The following MN1 variants were observed in gnomAD, a reference collection of about 807,000 sequenced individuals.
MN1 encodes transcriptional activator MN1.
MN1 carries 19 observed loss-of-function variants against 86.9 expected under a neutral mutation model. The ratio of observed to expected loss-of-function variants is 0.22; its 90% CI spans 0.15 to 0.32. The LOEUF is 0.32. Ranked by LOEUF, MN1 falls within the 10% of genes least tolerant of loss-of-function variation. The pLI is 1.00. For missense variants in MN1, 1,841 were observed against 1,862.0 expected (o/e 0.99, Z 0.21); for synonymous variants, 928 against 849.6 (o/e 1.09, Z -1.60).
At chr22:27,788,733 A>G (rs1036340861) in intron 1 of MN1, among the ~76,000 whole-genome samples, 1 of 151,812 alleles carries the variant, frequency 6.6e-6, no homozygotes, top group Non-Finnish European at 1.5e-5. Flanking sequence ...GCATGTGCGC[A>G]TGCGTGGAGG....
intron 1 of MN1, among the ~76,000 whole-genome samples, chr22:27,762,062 C>G (rs1568972104): frequency 6.6e-6 from 1 of 152,150 alleles, no homozygotes; most frequent in Non-Finnish European, 1.5e-5. Context: ...CTCCTCGCAC[C>G]AGGCCTGGGC....
At position 27,796,927 on chromosome 22, in the gene MN1, G is replaced by A. The variant is rs772969426; in HGVS notation, c.3617C>T (p.Ala1206Val). 22 of 1,612,506 alleles carry A rather than the reference G, an allele frequency of 1.4e-5. 1 individual carries two copies. The South Asian group carries it at 2.1e-4, about 15-fold the overall frequency. Reference protein sequence around the residue: ...DSELGSCCSEAVKSAMSTIDL... With the variant: ...DSELGSCCSEVVKSAMSTIDL... ...AATGGTGCTCATGGCGCTCTTGACC[G>A]CCTCGGAGCAGCAGCTGCCCAGCTC... The change falls in exon 1 of 2, where the codon GCG (alanine) becomes GTG (valine). Residue 1206 changes from alanine to valine, a missense_variant. Ala to Val is a moderately conservative substitution (Grantham distance 64). Transcript: ENST00000302326.
chr22:27,756,207 G>A (rs1932801302), intron 1 of MN1, among the ~76,000 whole-genome samples: 1 of 152,194 alleles, frequency 6.6e-6, no homozygotes, highest in Non-Finnish European at 1.5e-5. Context: ...GTTTACCTGG[G>A]GATGTTGCAT....
intron 1 of MN1, among the ~76,000 whole-genome samples, chr22:27,789,243 T>C (rs908489058): frequency 6.6e-6 from 1 of 152,152 alleles, no homozygotes. Flanking sequence ...AGTCCCCAAC[T>C]TTCCAAAGAT....
chr22:27,797,523 C>T lies in MN1; in HGVS notation c.3021G>A (p.Ser1007=). Residue 1007 remains serine, a synonymous_variant, in exon 1 of 2, where the codon TCG becomes TCA. Coordinates refer to ENST00000302326, the MANE Select transcript of MN1 (RefSeq NM_002430.3). ...ACTCAGCCCCCTTCCCCCAGGATGG[C>T]GACGTGAGCGCCTTTTCGTGGGGCG... ...APTPHEKALT[S]PSWGKGAELL... is the part of the protein sequence containing the mutation. The T allele has an allele frequency of 1.9e-6, 3 of 1,607,474 alleles. No homozygotes were observed. Among genetic ancestry groups the T allele is most frequent in the Non-Finnish European group, 2.5e-6 (3 of 1,177,868 alleles).
intron 1 of MN1, among the ~76,000 whole-genome samples, chr22:27,761,512 GC>G: frequency 6.6e-6 from 1 of 151,098 alleles, no homozygotes; most frequent in East Asian, 1.9e-4. Flanking sequence ...AAACCGGACA[GC>G]CCCCGCCCCT....
At chr22:27,759,841 C>T (rs575809052) in intron 1 of MN1, among the ~76,000 whole-genome samples, 1 of 152,182 alleles carries the variant, frequency 6.6e-6, no homozygotes, top group African/African-American at 2.4e-5. Flanking sequence ...CTGGGCCTAA[C>T]TGGCCCTCTC....
At position 27,799,615 on chromosome 22, in the gene MN1, T is replaced by TGCTGCTGCTGCTGCTGCTGGG. The variant is rs1568985874; in HGVS notation, c.908_928dup (p.Pro303_Gln309dup). 3 of 1,483,814 alleles carry TGCTGCTGCTGCTGCTGCTGGG rather than the reference T, an allele frequency of 2.0e-6. No homozygotes were observed. Among genetic ancestry groups the TGCTGCTGCTGCTGCTGCTGGG allele is most frequent in the East Asian group, 2.6e-5 (1 of 38,904 alleles). 91.9% of individuals were successfully genotyped at this position (1,483,814 alleles called of 1,614,324 possible). A position where few individuals can be genotyped will look rare whatever the true frequency, so the allele number is the denominator to read the frequency against. On this transcript the variant is annotated inframe_insertion, in exon 1 of 2. Coordinates refer to ENST00000302326, the MANE Select transcript of MN1 (RefSeq NM_002430.3). Reference sequence around the variant, plus strand: ...ACTGAACCTCTCAAAGAACACACCATGCTGCTGCTGCTGCTGCTGGGGCTG... The same window carrying TGCTGCTGCTGCTGCTGCTGGG: ...ACTGAACCTCTCAAAGAACACACCATGCTGCTGCTGCTGCTGCTGGGGCTGCTGCTGCTGCTGCTGGGGCTG...
chr22:27,797,138 G>A lies in MN1; in HGVS notation c.3406C>T (p.Arg1136Cys), dbSNP rs774095981. The A allele has an allele frequency of 3.4e-5, 54 of 1,575,130 alleles. No homozygotes were observed. Among genetic ancestry groups the A allele is most frequent in the Non-Finnish European group, 4.6e-5 (54 of 1,162,802 alleles). The change falls in exon 1 of 2, where the codon CGC (arginine) becomes TGC (cysteine). Residue 1136 changes from arginine to cysteine, a missense_variant. Coordinates refer to ENST00000302326, the MANE Select transcript of MN1 (RefSeq NM_002430.3). Reference sequence around the variant, plus strand: ...GCGCCGCTGCTGCTCGTCGGGGTGCGGACCTGCTCCAGGCCCGGAGTGCCC... The same window carrying A: ...GCGCCGCTGCTGCTCGTCGGGGTGCAGACCTGCTCCAGGCCCGGAGTGCCC... ...HPGTPGLEQV[R>C]TPTSSSGAPP...
intron 1 of MN1, among the ~76,000 whole-genome samples, chr22:27,757,451 G>T (rs557931493): frequency 3.9e-5 from 6 of 152,246 alleles, no homozygotes; most frequent in Non-Finnish European, 8.8e-5. Context: ...GAGGCTGGGG[G>T]TCAGGGTGCA....
Position 27,750,174 on chromosome 22 carries a change from C to T in MN1, c.*741G>A, listed in dbSNP as rs918173037. The T allele has an allele frequency of 3.0e-5, 7 of 231,330 alleles. No homozygotes were observed. Among genetic ancestry groups the T allele is most frequent in the Admixed American group, 2.3e-4 (4 of 17,716 alleles). The allele number at this position is 231,330 out of a possible 1,614,324, so 14.3% of individuals were successfully genotyped here. A position where few individuals can be genotyped will look rare whatever the true frequency, so the allele number is the denominator to read the frequency against. ...TCCTCACGTCCATCGCAGAGAGGGG[C>T]GGCTTCCAGCAGGAGAAGAGAGAAC... On this transcript the variant is annotated 3_prime_UTR_variant, in exon 2 of 2. Coordinates refer to ENST00000302326, the MANE Select transcript of MN1 (RefSeq NM_002430.3).
intron 1 of MN1, among the ~76,000 whole-genome samples, chr22:27,764,631 G>A (rs990742534): frequency 6.6e-6 from 1 of 152,166 alleles, no homozygotes; most frequent in Admixed American, 6.5e-5. Flanking sequence ...TGAGCAGAAG[G>A]GCTGAGGGCA....
Position 27,749,859 on chromosome 22 carries a change from G to A in MN1, c.*1056C>T, listed in dbSNP as rs1211985721. The stretch of plus-strand genomic sequence containing the variant: ...TGGGGATGGAATGGGAGAGGTGGAG[G>A]AGATACACGCAGTCCCCTCCTTCTT... On this transcript the variant is annotated 3_prime_UTR_variant, in exon 2 of 2. Transcript: ENST00000302326. The A allele has an allele frequency of 4.3e-6, 1 of 230,922 alleles. No homozygotes were observed. The highest frequency in any genetic ancestry group is 8.6e-6 in the Non-Finnish European group (1 of 116,604). The allele number at this position is 230,922 out of a possible 1,614,324, so 14.3% of individuals were successfully genotyped here.
At position 27,785,510 on chromosome 22, in the gene MN1, C is replaced by T. The variant is rs138944056; in HGVS notation, c.3781+11253G>A. The stretch of plus-strand genomic sequence containing the variant: ...TTTAAAGTCTTCCAGCTCTTTCTCT[C>T]TTCGATTCCCAAAATAACTACTTAC... On this transcript the variant is annotated intron_variant, in intron 1 of 1. Coordinates refer to ENST00000302326, the MANE Select transcript of MN1 (RefSeq NM_002430.3). 7.5e-3 allele frequency among the ~76,000 whole-genome samples: 1,141 copies of T among 152,292 alleles called. 20 individuals carry two copies. The highest frequency in any genetic ancestry group is 0.025 in the African/African-American group (1,050 of 41,542).
Position 27,797,019 on chromosome 22 carries a change from C to T in MN1, c.3525G>A (p.Leu1175=), listed in dbSNP as rs1023967865. The T allele has an allele frequency of 1.9e-6, 3 of 1,612,646 alleles. No homozygotes were observed. The highest frequency in any genetic ancestry group is 2.5e-6 in the Non-Finnish European group (3 of 1,179,786). ...CACCCTTCTTGCCACCCTTCAGCCC[C>T]AGAGGCTGGTCCTCGGAGATGCTGA... is the stretch of plus-strand genomic sequence containing the variant. The part of the protein sequence containing the change: ...QQFSISEDQP[L]GLKGGKKGEC... Residue 1175 remains leucine (L), a synonymous_variant, in exon 1 of 2, where the codon CTG becomes CTA. Coordinates refer to ENST00000302326, the MANE Select transcript of MN1 (RefSeq NM_002430.3).
At chr22:27,787,612 G>A (rs1255360578) in intron 1 of MN1, among the ~76,000 whole-genome samples, 4 of 152,164 alleles carry the variant, frequency 2.6e-5, no homozygotes, top group Non-Finnish European at 5.9e-5. Context: ...AAGGCATTGG[G>A]ACCTGCCTAC....
Position 27,801,410 on chromosome 22 carries a change from C to A in MN1, c.-867G>T, listed in dbSNP as rs1933439905. ...CTCCGCCGTTGGGTGTCTGAGTTCG[C>A]CGGAGTCTCCGCGCACCGTTGCAGG... is the stretch of plus-strand genomic sequence containing the variant. On this transcript the variant is annotated 5_prime_UTR_variant, in exon 1 of 2. Transcript: ENST00000302326. 1 of 211,332 alleles carries A rather than the reference C, an allele frequency of 4.7e-6. No individual in the cohort carries two copies. Among genetic ancestry groups the A allele is most frequent in the Non-Finnish European group, 9.6e-6 (1 of 103,874 alleles). 13.1% of individuals were successfully genotyped at this position (211,332 alleles called of 1,614,324 possible).
intron 1 of MN1, among the ~76,000 whole-genome samples, chr22:27,759,106 G>T (rs771822581): frequency 6.6e-6 from 1 of 152,146 alleles, no homozygotes; most frequent in Non-Finnish European, 1.5e-5. Flanking sequence ...GGGATTATAG[G>T]CATGAGCCAC....
At chr22:27,793,590 A>G (rs1415710223) in intron 1 of MN1, among the ~76,000 whole-genome samples, 1 of 152,146 alleles carries the variant, frequency 6.6e-6, no homozygotes, top group African/African-American at 2.4e-5. Flanking sequence ...GCATTATATA[A>G]AAGTTGTTGG....
Sources: allele counts gnomAD v4.1 joint callset (sites outside exome capture counted in the v4.1 genomes callset), GRCh38; gene constraint gnomAD v4.1.1; transcripts MANE v1.5; gene names NCBI Gene and HGNC (gene_info 2026-07-23, HGNC 2026-07-21).